The following PTPRM variants were observed in gnomAD, a reference collection of about 807,000 sequenced individuals.
The protein encoded by PTPRM is receptor-type tyrosine-protein phosphatase mu.
PTPRM carries 47 observed loss-of-function variants against 186.7 expected under a neutral mutation model. That is an observed-to-expected ratio of 0.25 (90% CI 0.20 to 0.32). PTPRM has a LOEUF of 0.32. Among genes scored for constraint, PTPRM ranks in the 10% least tolerant of loss-of-function variants. The pLI is 1.00. For synonymous variants in PTPRM, 668 were observed against 674.9 expected (o/e 0.99, Z 0.16); for missense variants, 1,494 against 1,865.0 (o/e 0.80, Z 3.66).
intron 9 of PTPRM, among the ~76,000 whole-genome samples, chr18:8,080,838 G>C (rs2090090798): frequency 6.6e-6 from 1 of 152,094 alleles, no homozygotes; most frequent in Admixed American, 6.6e-5. Context: ...TCTTCGCCAA[G>C]AGCCTTCTGA....
chr18:7,647,693 T>C (rs2038598177), intron 1 of PTPRM, among the ~76,000 whole-genome samples: 1 of 152,228 alleles, frequency 6.6e-6, no homozygotes, highest in Non-Finnish European at 1.5e-5. Context: ...CACGTGGTGA[T>C]TAACAACACT....
intron 14 of PTPRM, among the ~76,000 whole-genome samples, chr18:8,153,043 C>T (rs553299658): frequency 6.6e-4 from 100 of 152,266 alleles, no homozygotes; most frequent in African/African-American, 2.4e-3. Flanking sequence ...GTCCATTCCC[C>T]ACCTCAATGT....
At position 8,172,548 on chromosome 18, in the gene PTPRM, T is replaced by C. The variant is rs1283405621; in HGVS notation, c.2300+28769T>C. 3.3e-5 allele frequency among the ~76,000 whole-genome samples: 5 copies of C among 152,138 alleles called. No individual in the cohort carries two copies. In the East Asian group the frequency reaches 7.7e-4, roughly 23 times the overall value. On this transcript the variant is annotated intron_variant, in intron 14 of 32. Transcript: ENST00000580170. Reference sequence around the variant, plus strand: ...AGGCATATTGAATCAGAATGCAGGATGGAGGAATCTATACAAGTTCCCCCA... The same window carrying C: ...AGGCATATTGAATCAGAATGCAGGACGGAGGAATCTATACAAGTTCCCCCA...
At chr18:8,209,058 G>A (rs1023213695) in intron 14 of PTPRM, among the ~76,000 whole-genome samples, 5 of 152,224 alleles carry the variant, frequency 3.3e-5, no homozygotes, top group African/African-American at 1.2e-4. Context: ...AGGGGCTGCT[G>A]TAAAAGGCTT....
chr18:8,338,028 G>A (rs977357078), intron 22 of PTPRM, among the ~76,000 whole-genome samples: 7 of 152,184 alleles, frequency 4.6e-5, no homozygotes, highest in African/African-American at 1.7e-4. Context: ...TTGGGGTGTT[G>A]TATTCATCCA....
At chr18:8,371,951 T>TTG (rs2095664793) in intron 24 of PTPRM, 1 of 152,022 alleles carries the variant, frequency 6.6e-6, no homozygotes, top group Non-Finnish European at 1.5e-5. Context: ...TGGTGTGAAT[T>TTG]TGTTAGCTTC....
chr18:8,396,428 C>T (rs1188824986), intron 32 of PTPRM, among the ~76,000 whole-genome samples: 2 of 152,192 alleles, frequency 1.3e-5, no homozygotes, highest in African/African-American at 4.8e-5. Flanking sequence ...TAGAAACAGA[C>T]CCTTCCAGGC....
intron 7 of PTPRM, among the ~76,000 whole-genome samples, chr18:8,032,881 G>A (rs1289530901): frequency 2.0e-5 from 3 of 151,950 alleles, no homozygotes; most frequent in Non-Finnish European, 4.4e-5. Flanking sequence ...TATAGGTTAA[G>A]GTTTAACCCC....
chr18:8,378,508 G>A, intron 27 of PTPRM, 94 bp downstream of exon 27: 2 of 1,472,904 alleles, frequency 1.4e-6, no homozygotes, highest in Middle Eastern at 4.4e-4. Context: ...GAATCACAAG[G>A]TTCCTTGGCC....
At chr18:8,363,344 G>T (rs1169305135) in intron 23 of PTPRM, among the ~76,000 whole-genome samples, 1 of 152,192 alleles carries the variant, frequency 6.6e-6, no homozygotes, top group Non-Finnish European at 1.5e-5. Context: ...AGGAAACTGA[G>T]GGCCAGAACG....
chr18:8,173,538 C>T (rs1601001201), intron 14 of PTPRM, among the ~76,000 whole-genome samples: 1 of 152,224 alleles, frequency 6.6e-6, no homozygotes, highest in African/African-American at 2.4e-5. Context: ...AACCAATTCA[C>T]TGAGACTGTG....
chr18:8,092,168 T>G (rs1381952246), intron 11 of PTPRM, among the ~76,000 whole-genome samples: 4 of 152,190 alleles, frequency 2.6e-5, no homozygotes, highest in African/African-American at 9.6e-5. Context: ...AACACTCAGC[T>G]TGGTTCATGT....
intron 1 of PTPRM, among the ~76,000 whole-genome samples, chr18:7,623,134 C>T (rs929329860): frequency 5.3e-5 from 8 of 152,058 alleles, no homozygotes; most frequent in Admixed American, 3.3e-4. Context: ...TTCTATTACT[C>T]TTCTTGGCAT....
intron 1 of PTPRM, among the ~76,000 whole-genome samples, chr18:7,763,031 T>C (rs915616277): frequency 1.1e-4 from 16 of 152,172 alleles, no homozygotes; most frequent in African/African-American, 3.9e-4. Context: ...CTCAGGGACT[T>C]GCTCATGTTC....
At chr18:8,113,084 T>TA (rs2091826258) in intron 11 of PTPRM, among the ~76,000 whole-genome samples, 1 of 152,266 alleles carries the variant, frequency 6.6e-6, no homozygotes, top group African/African-American at 2.4e-5. Flanking sequence ...TGCATTGCTT[T>TA]TTAAAATAAA....
intron 1 of PTPRM, among the ~76,000 whole-genome samples, chr18:7,740,979 G>C (rs1377662909): frequency 2.0e-5 from 3 of 152,118 alleles, no homozygotes; most frequent in African/African-American, 7.2e-5. Flanking sequence ...TCATTTTAAT[G>C]CTTCTCTGGG....
chr18:7,860,118 G>T (rs1386948604), intron 2 of PTPRM, among the ~76,000 whole-genome samples: 1 of 151,794 alleles, frequency 6.6e-6, no homozygotes, highest in Non-Finnish European at 1.5e-5. Flanking sequence ...TGTCTCCCAG[G>T]CTGGAGTGCA....
rs564599894 is a variant in PTPRM, at chr18:7,797,651, C to CTT, written c.196+23381_196+23382dup. On this transcript the variant is annotated intron_variant, in intron 2 of 32. Transcript: ENST00000580170. ...ACTCAATTGAGCATAATCCTCACTT[C>CTT]TTCTGGCCTTCAAATGTGGGAAAGC... 4.0e-3 allele frequency among the ~76,000 whole-genome samples: 615 copies of CTT among 151,980 alleles called. 2 individuals are homozygous for CTT. The highest frequency in any genetic ancestry group is 6.8e-3 in the Middle Eastern group (2 of 294).
chr18:8,380,702 A>T (rs2095728266), intron 29 of PTPRM, among the ~76,000 whole-genome samples: 1 of 152,174 alleles, frequency 6.6e-6, no homozygotes, highest in Admixed American at 6.5e-5. Flanking sequence ...TAAAAGATGG[A>T]AATACTCACT....
Sources: allele counts gnomAD v4.1 joint callset (sites outside exome capture counted in the v4.1 genomes callset), GRCh38; gene constraint gnomAD v4.1.1; transcripts MANE v1.5; gene names NCBI Gene and HGNC (gene_info 2026-07-23, HGNC 2026-07-21).